The following AGAP1 variants were observed in gnomAD, a reference collection of about 807,000 sequenced individuals.
AGAP1 encodes ArfGAP with GTPase domain, ankyrin repeat and PH domain 1.
A neutral mutation model predicts 105.3 loss-of-function variants in AGAP1; 29 were observed. That is an observed-to-expected ratio of 0.28 (90% confidence interval 0.21 to 0.38). The LOEUF is 0.38. Among genes scored for constraint, AGAP1 ranks in the 10% least tolerant of loss-of-function variants. AGAP1 has a pLI of 1.00. For missense variants in AGAP1, 998 were observed against 1,165.1 expected (o/e 0.86, Z 2.09); for synonymous variants, 509 against 485.9 (o/e 1.05, Z -0.63).
rs1256516973 is a variant in AGAP1, at chr2:235,735,306, T to G, written c.311-5657T>G. On this transcript the variant is annotated intron_variant, in intron 3 of 17. Coordinates refer to ENST00000304032, the MANE Select transcript of AGAP1 (RefSeq NM_001037131.3). ...TTGACTCCCAAAAGGGCCCTTTTTTTGGAATGGGAAAATTCAGTTTTCTCT... is the reference window on the plus strand; with the variant it reads ...TTGACTCCCAAAAGGGCCCTTTTTTGGGAATGGGAAAATTCAGTTTTCTCT... 2.0e-5 allele frequency among the ~76,000 whole-genome samples: 3 copies of G among 152,308 alleles called. No homozygotes were observed. The South Asian group carries it at 6.2e-4, about 32-fold the overall frequency.
intron 1 of AGAP1, chr2:235,670,576 C>T (rs1452845875): frequency 1.2e-5 from 6 of 512,890 alleles, no homozygotes; most frequent in East Asian, 7.1e-5. Flanking sequence ...GGCACTGGAG[C>T]GGGCCTGAGG....
chr2:235,590,714 C>CT (rs1559272145), intron 1 of AGAP1, among the ~76,000 whole-genome samples: 3 of 39,482 alleles, frequency 7.6e-5, no homozygotes, highest in African/African-American at 2.6e-4. Flanking sequence ...TGTGTGTGTG[C>CT]ATTTTTTTTT....
chr2:235,899,500 C>T (rs566825740), intron 10 of AGAP1, among the ~76,000 whole-genome samples: 4 of 152,248 alleles, frequency 2.6e-5, no homozygotes, highest in South Asian at 4.1e-4. Context: ...GCAACAAGAG[C>T]GAAACTGTGT....
rs938220530 is a variant in AGAP1, at chr2:236,096,890, C to T, written c.2115-23302C>T. 6.6e-6 allele frequency among the ~76,000 whole-genome samples: 1 copy of T among 152,152 alleles called. No homozygotes were observed. Among genetic ancestry groups the T allele is most frequent in the African/African-American group, 2.4e-5 (1 of 41,444 alleles). ...CCACCCTGCCGGGCCAAATGATGCA[C>T]TTTTAAACTGAAGTTTCATCCTTGC... is the stretch of plus-strand genomic sequence containing the variant. On this transcript the variant is annotated intron_variant, in intron 16 of 17. Coordinates refer to ENST00000304032, the MANE Select transcript of AGAP1 (RefSeq NM_001037131.3). The surrounding 1 kb of genome is among the most constrained non-coding windows in gnomAD (Gnocchi z 4.4).
At chr2:235,892,316 A>G (rs1231858766) in intron 10 of AGAP1, among the ~76,000 whole-genome samples, 1 of 152,104 alleles carries the variant, frequency 6.6e-6, no homozygotes, top group African/African-American at 2.4e-5. Context: ...TTTCATTACT[A>G]GGCAGGTTAA....
rs116495640 is a variant in AGAP1, at chr2:235,644,715, C to T, written c.164-64464C>T. On this transcript the variant is annotated intron_variant, in intron 1 of 17. Coordinates refer to ENST00000304032, the MANE Select transcript of AGAP1 (RefSeq NM_001037131.3). The stretch of plus-strand genomic sequence containing the variant: ...TATGCAGCACAGTGCACCTTGGTGC[C>T]AGAGTTCTGACCAGTAGTGTTGCGT... 6.1e-3 allele frequency among the ~76,000 whole-genome samples: 935 copies of T among 152,148 alleles called. 11 individuals carry two copies. Among genetic ancestry groups the T allele is most frequent in the African/African-American group, 0.021 (878 of 41,514 alleles).
chr2:235,897,403 A>G (rs999014646), intron 10 of AGAP1, among the ~76,000 whole-genome samples: 1 of 110,196 alleles, frequency 9.1e-6, no homozygotes, highest in Non-Finnish European at 2.0e-5. Context: ...CCTATTTTCA[A>G]CATTGAAAAA....
At chr2:235,869,453 T>TAAAAAAAAAAAAAAAAAA (rs2049334348) in intron 9 of AGAP1, among the ~76,000 whole-genome samples, 1 of 66,516 alleles carries the variant, frequency 1.5e-5, no homozygotes. Context: ...AAAAAAAAAT[T>TAAAAAAAAAAAAAAAAAA]AGCCGGGCGT....
intron 6 of AGAP1, chr2:235,783,285 C>T (rs1413054384): frequency 4.3e-6 from 2 of 464,316 alleles, no homozygotes; most frequent in African/African-American, 2.0e-5. Flanking sequence ...GTCATTATAA[C>T]CTTTTACCTA....
chr2:236,043,454 C>T (rs1459895550), intron 15 of AGAP1, among the ~76,000 whole-genome samples: 11 of 152,280 alleles, frequency 7.2e-5, no homozygotes, highest in Middle Eastern at 3.4e-3. Context: ...AGCCTGGGCA[C>T]GGTGGCTCAC....
rs1336192721 is a variant in AGAP1 at position 235,930,417 on chromosome 2, G to A, written c.1325-348G>A. Reference sequence around the variant, plus strand: ...GGAGCCCCCATCTTGCCGGCCTGCCGGATCGCGGTGTCTCTGCTAAGACTC... The same window carrying A: ...GGAGCCCCCATCTTGCCGGCCTGCCAGATCGCGGTGTCTCTGCTAAGACTC... On this transcript the variant is annotated intron_variant, in intron 11 of 17. Transcript: ENST00000304032. This position sits in a 1 kb window ranked among gnomAD's most constrained non-coding sequence, Gnocchi z 7.9. Among the ~76,000 whole-genome samples the A allele has an allele frequency of 2.0e-5, 3 of 152,172 alleles. No individual in the cohort carries two copies. Among genetic ancestry groups the A allele is most frequent in the Non-Finnish European group, 2.9e-5 (2 of 68,030 alleles).
chr2:235,498,115 T>G (rs1031237867), intron 1 of AGAP1, among the ~76,000 whole-genome samples: 2 of 152,166 alleles, frequency 1.3e-5, no homozygotes, highest in Non-Finnish European at 2.9e-5. Flanking sequence ...GTAAAATCTC[T>G]TAACGATGGA....
intron 12 of AGAP1, among the ~76,000 whole-genome samples, chr2:235,932,878 C>T (rs764844117): frequency 2.0e-5 from 3 of 152,204 alleles, no homozygotes; most frequent in East Asian, 1.9e-4. Context: ...ATTGTCTGCA[C>T]GCATGCATTT....
Position 236,101,584 on chromosome 2 carries a change from A to C in AGAP1, c.2115-18608A>C, listed in dbSNP as rs2059346364. ...CCTGGTGTTTAAAGGGCGTCGGTGC[A>C]CGTACAGCGAGGGCTTACATCCACT... is the stretch of plus-strand genomic sequence containing the variant. On this transcript the variant is annotated intron_variant, in intron 16 of 17. Coordinates refer to ENST00000304032, the MANE Select transcript of AGAP1 (RefSeq NM_001037131.3). The surrounding 1 kb of genome is among the most constrained non-coding windows in gnomAD (Gnocchi z 4.9). Among the ~76,000 whole-genome samples the C allele has an allele frequency of 6.6e-6, 1 of 152,164 alleles. No homozygotes were observed. Among genetic ancestry groups the C allele is most frequent in the South Asian group, 2.1e-4 (1 of 4,830 alleles).
rs2060039412 is a variant in AGAP1 at position 236,128,571 on chromosome 2, CATCTT to C, written c.*4451_*4455del. 6.6e-6 allele frequency: 1 copy of C among 152,276 alleles called. No individual in the cohort carries two copies. The highest frequency in any genetic ancestry group is 6.5e-5 in the Admixed American group (1 of 15,284). The allele number at this position is 152,276 out of a possible 1,614,324, so 9.4% of individuals were successfully genotyped here. Reference sequence around the variant, plus strand: ...GTTTTGTGCTTGAACTTGGTGGACTCATCTTACCCCACAAGAGTGGCCTGCTCAAC... The same window carrying C: ...GTTTTGTGCTTGAACTTGGTGGACTCACCCCACAAGAGTGGCCTGCTCAAC... On this transcript the variant is annotated 3_prime_UTR_variant, in exon 18 of 18. Transcript: ENST00000304032. This position sits in a 1 kb window ranked among gnomAD's most constrained non-coding sequence, Gnocchi z 5.9.
chr2:235,933,538 T>TTTC (rs1243662248), intron 12 of AGAP1, among the ~76,000 whole-genome samples: 1 of 149,050 alleles, frequency 6.7e-6, no homozygotes. Flanking sequence ...TTCTAAGGAT[T>TTTC]TTTTTTTTTT....
chr2:235,968,419 T>C (rs1220286436), intron 12 of AGAP1, 43 bp from the exon 13 acceptor site: 58 of 1,546,324 alleles, frequency 3.8e-5, no homozygotes, highest in Non-Finnish European at 4.9e-5. Flanking sequence ...GTGCTCACTC[T>C]GCATTTTTTT....
rs2057448419 is a variant in AGAP1 at position 236,038,478 on chromosome 2, G to A, written c.1800+1763G>A. On this transcript the variant is annotated intron_variant, in intron 14 of 17. Coordinates refer to ENST00000304032, the MANE Select transcript of AGAP1 (RefSeq NM_001037131.3). This position sits in a 1 kb window ranked among gnomAD's most constrained non-coding sequence, Gnocchi z 4.5. The stretch of plus-strand genomic sequence containing the variant: ...CGTGTCTCAGCTCATGCACACACCA[G>A]CCTTAGAATGCTGCCCTCGGCCCTC... Among the ~76,000 whole-genome samples the A allele has an allele frequency of 1.3e-5, 2 of 152,186 alleles. No individual in the cohort carries two copies. The highest frequency in any genetic ancestry group is 1.3e-4 in the Admixed American group (2 of 15,270).
In AGAP1 at chr2:236,046,882, C is replaced by T. The variant is rs1372497226; in HGVS notation, c.1892-2177C>T. The stretch of plus-strand genomic sequence containing the variant: ...GCACAGTGGCTCATGCCTGTAATCC[C>T]AACACTTTGGGAGGCCCAGGCAGGA... On this transcript the variant is annotated intron_variant, in intron 15 of 17. Coordinates refer to ENST00000304032, the MANE Select transcript of AGAP1 (RefSeq NM_001037131.3). The surrounding 1 kb of genome is among the most constrained non-coding windows in gnomAD (Gnocchi z 5.2). 1.3e-5 allele frequency among the ~76,000 whole-genome samples: 2 copies of T among 152,162 alleles called. No homozygotes were observed. The highest frequency in any genetic ancestry group is 4.8e-5 in the African/African-American group (2 of 41,432).
Sources: gnomAD v4.1 joint callset for allele counts (sites outside exome capture counted in the v4.1 genomes callset) on GRCh38, gnomAD v4.1.1 for gene constraint, Gnocchi (gnomAD v3.1) non-coding constraint, MANE v1.5 for transcripts, NCBI Gene and HGNC (gene_info 2026-07-23, HGNC 2026-07-21) for gene names.